The following MAL2 variants were observed in gnomAD, a reference collection of about 807,000 sequenced individuals.
The protein encoded by MAL2 is mal, T cell differentiation protein 2, also known as protein MAL2.
In MAL2, 17 loss-of-function variants were observed where a neutral mutation model predicts 18.1. The observed-to-expected ratio is 0.94, with a 90% CI of 0.64 to 1.41. MAL2 has a LOEUF of 1.41. Among genes scored for constraint, MAL2 ranks in the 40% most tolerant of loss-of-function variants. The probability of loss-of-function intolerance (pLI) is 0.00; values close to 1 mark genes in which losing one functional copy is unlikely to be tolerated. For missense variants in MAL2, 222 were observed against 231.9 expected, an observed-to-expected ratio of 0.96 and a Z score of 0.28; for synonymous variants, 102 against 102.3, an observed-to-expected ratio of 1.00 and a Z score of 0.02.
At chr8:119,236,905 A>G (rs1817913061) in intron 2 of MAL2, among the ~76,000 whole-genome samples, 1 of 150,048 alleles carries the variant, frequency 6.7e-6, no homozygotes, top group Non-Finnish European at 1.5e-5. Flanking sequence ...GAGCAAACAC[A>G]TTCAAAAGCT....
At chr8:119,217,147 C>A (rs1817370383) in intron 1 of MAL2, among the ~76,000 whole-genome samples, 1 of 152,146 alleles carries the variant, frequency 6.6e-6, no homozygotes, top group Non-Finnish European at 1.5e-5. Flanking sequence ...CACATCAAAC[C>A]CTGAGGATTC....
At chr8:119,229,313 C>CTTTTT (rs60554580) in intron 2 of MAL2, among the ~76,000 whole-genome samples, 1 of 137,488 alleles carries the variant, frequency 7.3e-6, no homozygotes, top group South Asian at 2.4e-4. Flanking sequence ...CTGTGGGCCT[C>CTTTTT]TTTTTTTTTT....
intron 1 of MAL2, among the ~76,000 whole-genome samples, chr8:119,218,815 G>A (rs1249153385): frequency 6.6e-6 from 1 of 152,156 alleles, no homozygotes; most frequent in East Asian, 1.9e-4. Flanking sequence ...GGCTCTGCCT[G>A]TCCCTAACAA....
chr8:119,221,843 C>A, intron 2 of MAL2, 86 bp downstream of exon 2: 1 of 1,401,084 alleles, frequency 7.1e-7, no homozygotes, highest in Non-Finnish European at 9.8e-7. Context: ...AGTCCCAGTT[C>A]TGTTGCCCCT....
At chr8:119,225,606 A>ATGTT (rs1311573745) in intron 2 of MAL2, among the ~76,000 whole-genome samples, 7 of 152,194 alleles carry the variant, frequency 4.6e-5, no homozygotes, top group African/African-American at 1.7e-4. Flanking sequence ...TTATAGCAGC[A>ATGTT]TGTTTTATAA....
At chr8:119,237,013 T>C (rs1817917301) in intron 2 of MAL2, among the ~76,000 whole-genome samples, 2 of 151,860 alleles carry the variant, frequency 1.3e-5, no homozygotes, top group Non-Finnish European at 2.9e-5. Flanking sequence ...AGCTGGATTT[T>C]TGAAAGGATC....
In MAL2 at chr8:119,208,795, T is replaced by G; in HGVS notation, c.132+191T>G. ...CCCGGGCCCTCCCTCCTAGCACCTG[T>G]TACGCGGGCACCTGCTCCCCCGCGG... On this transcript the variant is annotated intron_variant, in intron 1 of 3. Coordinates refer to ENST00000614891, the MANE Select transcript of MAL2 (RefSeq NM_052886.3). This position sits in a 1 kb window ranked among gnomAD's most constrained non-coding sequence, Gnocchi z 4.3. 1.1e-6 allele frequency: 1 copy of G among 897,046 alleles called. No individual in the cohort carries two copies. Among genetic ancestry groups the G allele is most frequent in the Non-Finnish European group, 1.5e-6 (1 of 689,410 alleles). 55.6% of individuals were successfully genotyped at this position (897,046 alleles called of 1,614,324 possible).
Position 119,222,520 on chromosome 8 carries a change from C to CA in MAL2, c.303+780dup, listed in dbSNP as rs771003231. On this transcript the variant is annotated intron_variant, in intron 2 of 3. Transcript: ENST00000614891. ...TGGGTGACAGAGCAAGACTCCATCT[C>CA]AAAAAAAAAAAAAAAAAGAATTTGT... Among the ~76,000 whole-genome samples, 798 of 80,406 alleles carry CA rather than the reference C, an allele frequency of 9.9e-3. 2 individuals are homozygous for CA. Among genetic ancestry groups the CA allele is most frequent in the African/African-American group, 0.017 (390 of 22,632 alleles). The allele number at this position is 80,406 out of a possible 152,430, so 52.7% of individuals were successfully genotyped here. A position where few individuals can be genotyped will look rare whatever the true frequency, so the allele number is the denominator to read the frequency against.
At chr8:119,218,648 T>C (rs1817404381) in intron 1 of MAL2, among the ~76,000 whole-genome samples, 1 of 152,154 alleles carries the variant, frequency 6.6e-6, no homozygotes, top group Non-Finnish European at 1.5e-5. Flanking sequence ...TTTTCTTGAG[T>C]GTTCTTCTAT....
At chr8:119,223,423 C>T (rs1817510691) in intron 2 of MAL2, 1 of 152,190 alleles carries the variant, frequency 6.6e-6, no homozygotes, top group South Asian at 2.1e-4. Flanking sequence ...GTATTGAGTA[C>T]AGTCATTCAT....
chr8:119,209,697 C>T (rs1476828405), intron 1 of MAL2, among the ~76,000 whole-genome samples: 2 of 152,172 alleles, frequency 1.3e-5, no homozygotes, highest in African/African-American at 4.8e-5. Flanking sequence ...AGCTGGATCA[C>T]CTTGTGAGCA....
chr8:119,215,809 G>A (rs1469724405), intron 1 of MAL2, among the ~76,000 whole-genome samples: 1 of 152,120 alleles, frequency 6.6e-6, no homozygotes, highest in African/African-American at 2.4e-5. Context: ...AGCTTGGGGA[G>A]GGGGGCAGCA....
intron 2 of MAL2, among the ~76,000 whole-genome samples, chr8:119,237,037 G>C (rs1330715815): frequency 6.6e-6 from 1 of 151,986 alleles, no homozygotes; most frequent in Admixed American, 6.6e-5. Flanking sequence ...AAAATTGATA[G>C]ACCGCTAGCA....
At chr8:119,221,522 T>A in intron 1 of MAL2, 65 bp from the exon 2 acceptor site, 1 of 1,581,292 alleles carries the variant, frequency 6.3e-7, no homozygotes, top group Non-Finnish European at 8.6e-7. Context: ...AATACAAGCA[T>A]GTTTAATTCT....
chr8:119,233,792 T>C (rs1817794848), intron 2 of MAL2, among the ~76,000 whole-genome samples: 1 of 151,558 alleles, frequency 6.6e-6, no homozygotes, highest in Non-Finnish European at 1.5e-5. Context: ...TTCCTATCAA[T>C]AGAAAAAGAG....
At chr8:119,239,732 G>C (rs1332048224) in intron 2 of MAL2, among the ~76,000 whole-genome samples, 2 of 149,838 alleles carry the variant, frequency 1.3e-5, no homozygotes, top group Admixed American at 1.3e-4. Flanking sequence ...AGAACACATG[G>C]ACACAGGAAG....
At chr8:119,234,713 C>G (rs939836286) in intron 2 of MAL2, among the ~76,000 whole-genome samples, 2 of 151,736 alleles carry the variant, frequency 1.3e-5, no homozygotes, top group East Asian at 1.9e-4. Context: ...ACAATTCACA[C>G]GGCAGGGTAT....
chr8:119,217,639 T>A (rs1817379018), intron 1 of MAL2, among the ~76,000 whole-genome samples: 1 of 152,158 alleles, frequency 6.6e-6, no homozygotes. Flanking sequence ...TGGATTCAGA[T>A]CCAAGACGAT....
intron 2 of MAL2, among the ~76,000 whole-genome samples, chr8:119,225,052 A>T (rs562726152): frequency 4.0e-5 from 6 of 151,844 alleles, no homozygotes; most frequent in South Asian, 4.2e-4. Context: ...CCTATAGACG[A>T]TGCAGCTTTT....
Sources: allele counts gnomAD v4.1 joint callset (sites outside exome capture counted in the v4.1 genomes callset), GRCh38; gene constraint gnomAD v4.1.1; non-coding constraint Gnocchi (gnomAD v3.1); transcripts MANE v1.5; gene names NCBI Gene and HGNC (gene_info 2026-07-23, HGNC 2026-07-21).